ATRNL1: variants seen among roughly 807,000 people sequenced by gnomAD.
ATRNL1 encodes the protein attractin-like protein 1.
ATRNL1 carries 95 observed loss-of-function variants against 182.7 expected under a neutral mutation model. The ratio of observed to expected loss-of-function variants is 0.52; its 90% CI spans 0.44 to 0.62. The LOEUF (loss-of-function observed/expected upper bound fraction) is 0.62, where lower values mean the gene tolerates loss of function less well. Among genes scored for constraint, ATRNL1 ranks in the 20% least tolerant of loss-of-function variants. The pLI, the probability that ATRNL1 is intolerant of heterozygous loss-of-function variation, is 0.00. For synonymous variants in ATRNL1, 576 were observed against 568.3 expected (o/e 1.01, Z -0.19); for missense variants, 1,471 against 1,679.5 (o/e 0.88, Z 2.17).
chr10:115,625,108 A>G (rs1265177006), intron 26 of ATRNL1, among the ~76,000 whole-genome samples: 1 of 152,146 alleles, frequency 6.6e-6, no homozygotes, highest in Non-Finnish European at 1.5e-5. Flanking sequence ...AAAGCCAAAT[A>G]AGATATTGGG....
chr10:115,901,270 A>G (rs1291314432), intron 28 of ATRNL1, among the ~76,000 whole-genome samples: 11 of 152,254 alleles, frequency 7.2e-5, no homozygotes, highest in Admixed American at 7.2e-4. Context: ...AATATGTCTC[A>G]ATTGATAAAA....
intron 27 of ATRNL1, among the ~76,000 whole-genome samples, chr10:115,840,276 A>G (rs139249618): frequency 3.6e-4 from 55 of 152,268 alleles, no homozygotes; most frequent in African/African-American, 1.3e-3. Context: ...CTCAAGGCTG[A>G]ATTTCTTAAT....
intron 26 of ATRNL1, among the ~76,000 whole-genome samples, chr10:115,697,665 T>C (rs1946607425): frequency 6.6e-6 from 1 of 151,910 alleles, no homozygotes; most frequent in Non-Finnish European, 1.5e-5. Context: ...GTGTTACATA[T>C]ATAATTCTAT....
At chr10:115,236,486 G>A (rs1342613498) in intron 9 of ATRNL1, among the ~76,000 whole-genome samples, 6 of 152,158 alleles carry the variant, frequency 3.9e-5, no homozygotes, top group African/African-American at 1.4e-4. Flanking sequence ...TGTGAAGTAT[G>A]AGGAACAAGA....
At chr10:115,247,132 C>T (rs1850679033) in intron 10 of ATRNL1, among the ~76,000 whole-genome samples, 2 of 152,036 alleles carry the variant, frequency 1.3e-5, no homozygotes, top group African/African-American at 4.8e-5. Context: ...CGCAACAGCA[C>T]AGGCAACAAA....
At chr10:115,554,898 C>T (rs1287122951) in intron 26 of ATRNL1, among the ~76,000 whole-genome samples, 2 of 151,598 alleles carry the variant, frequency 1.3e-5, no homozygotes, top group Non-Finnish European at 3.0e-5. Flanking sequence ...TATATTTAGA[C>T]CCAGTTACTT....
intron 26 of ATRNL1, among the ~76,000 whole-genome samples, chr10:115,653,304 G>A (rs1424032510): frequency 6.6e-6 from 1 of 152,010 alleles, no homozygotes; most frequent in Non-Finnish European, 1.5e-5. Flanking sequence ...GCCTCTTTGT[G>A]GCTTTCAGTA....
At chr10:115,691,291 T>G (rs548116576) in intron 26 of ATRNL1, among the ~76,000 whole-genome samples, 22 of 152,330 alleles carry the variant, frequency 1.4e-4, no homozygotes, top group Admixed American at 1.1e-3. Context: ...ATTGATTATC[T>G]TTTGCTTTTT....
At chr10:115,220,707 A>G (rs1370824228) in intron 9 of ATRNL1, among the ~76,000 whole-genome samples, 2 of 102,142 alleles carry the variant, frequency 2.0e-5, no homozygotes, top group Admixed American at 3.0e-4. Flanking sequence ...TGTGGACAGA[A>G]ATGGTAAATA....
chr10:115,321,485 TTCTC>T (rs1554931505), intron 18 of ATRNL1, among the ~76,000 whole-genome samples: 1 of 152,130 alleles, frequency 6.6e-6, no homozygotes, highest in Non-Finnish European at 1.5e-5. Flanking sequence ...TTTGAGTCCT[TTCTC>T]TTTCTTATTT....
At chr10:115,776,595 A>T (rs1555078002) in intron 27 of ATRNL1, among the ~76,000 whole-genome samples, 1 of 152,102 alleles carries the variant, frequency 6.6e-6, no homozygotes, top group Non-Finnish European at 1.5e-5. Context: ...TGTCTCTCGT[A>T]ATATTCATTC....
At chr10:115,798,946 C>T (rs782763515) in intron 27 of ATRNL1, among the ~76,000 whole-genome samples, 1 of 151,842 alleles carries the variant, frequency 6.6e-6, no homozygotes. Flanking sequence ...CCTGCCTCAG[C>T]CTCCCCAGTA....
At chr10:115,497,830 G>A (rs1050094089) in intron 24 of ATRNL1, among the ~76,000 whole-genome samples, 1 of 151,968 alleles carries the variant, frequency 6.6e-6, no homozygotes, top group African/African-American at 2.4e-5. Flanking sequence ...GCTAATTTTT[G>A]TATTTTTAGT....
At chr10:115,621,272 T>TAGAGAG (rs1167604359) in intron 26 of ATRNL1, among the ~76,000 whole-genome samples, 40 of 48,434 alleles carry the variant, frequency 8.3e-4, no homozygotes, top group East Asian at 2.0e-3. Flanking sequence ...TATATATATA[T>TAGAGAG]ATATAGAGAG....
chr10:115,160,206 G>T lies in ATRNL1; in HGVS notation c.996G>T (p.Met332Ile). ...CTTTTAACTACAGTTCTTTTCAAAT[G>T]GTCCTAAAGTAAGTATTTATTTTCA... ...GYTFNYSSFQ[M>I]VLNYNLESSI... is the part of the protein sequence containing the mutation. The change falls in exon 6 of 29, where the codon ATG becomes ATT. Residue 332 changes from methionine to isoleucine, a missense_variant. Met to Ile is a conservative substitution (Grantham distance 10). This residue lies in a region of ATRNL1 where 1,031 missense variants were observed against 1,156.0 expected (regional missense o/e 0.89). Transcript: ENST00000355044. 6.2e-7 allele frequency: 1 copy of T among 1,603,956 alleles called. No individual in the cohort carries two copies. Among genetic ancestry groups the T allele is most frequent in the Non-Finnish European group, 8.5e-7 (1 of 1,174,976 alleles).
intron 27 of ATRNL1, among the ~76,000 whole-genome samples, chr10:115,813,140 G>A (rs1379664007): frequency 2.0e-5 from 3 of 152,044 alleles, no homozygotes; most frequent in Admixed American, 6.6e-5. Flanking sequence ...TCTAAATGAC[G>A]AGTTAATAGG....
At chr10:115,737,272 C>T (rs1386353096) in intron 27 of ATRNL1, among the ~76,000 whole-genome samples, 1 of 102,974 alleles carries the variant, frequency 9.7e-6, no homozygotes, top group Non-Finnish European at 2.2e-5. Flanking sequence ...CAAAACATCC[C>T]CCCCCCCCAA....
intron 28 of ATRNL1, among the ~76,000 whole-genome samples, chr10:115,902,822 C>A (rs1195669685): frequency 6.6e-6 from 1 of 152,188 alleles, no homozygotes; most frequent in African/African-American, 2.4e-5. Context: ...GGGGATCTGA[C>A]AGGTCTTTGC....
chr10:115,687,770 G>T (rs528907415), intron 26 of ATRNL1, among the ~76,000 whole-genome samples: 7 of 151,940 alleles, frequency 4.6e-5, no homozygotes, highest in Non-Finnish European at 1.0e-4. Context: ...GGTAATTGGA[G>T]TATCAATCAT....
Sources: allele counts gnomAD v4.1 joint callset (sites outside exome capture counted in the v4.1 genomes callset), GRCh38; gene constraint gnomAD v4.1.1; regional missense constraint gnomAD v4.1.1; transcripts MANE v1.5; gene names NCBI Gene and HGNC (gene_info 2026-07-23, HGNC 2026-07-21).